Variants in GPATCH2L observed in about 807,000 individuals in gnomAD.
The protein encoded by GPATCH2L is G patch domain-containing protein 2-like.
In GPATCH2L, 31 loss-of-function variants were observed where a neutral mutation model predicts 57.4. The observed-to-expected ratio is 0.54, with a 90% CI of 0.41 to 0.73. The LOEUF (loss-of-function observed/expected upper bound fraction) is 0.73, where lower values mean the gene tolerates loss of function less well. Ranked by LOEUF, GPATCH2L falls within the 30% of genes least tolerant of loss-of-function variation. The pLI, the probability that GPATCH2L is intolerant of heterozygous loss-of-function variation, is 0.00. For synonymous variants in GPATCH2L, 199 were observed against 210.7 expected (o/e 0.94, Z 0.48); for missense variants, 481 against 599.9 (o/e 0.80, Z 2.07).
At chr14:76,176,585 G>C (rs965874468) in intron 5 of GPATCH2L, 38 bp from the exon 6 acceptor site, 2 of 1,375,162 alleles carry the variant, frequency 1.5e-6, no homozygotes, top group Non-Finnish European at 2.1e-6. Flanking sequence ...GTTTGTTTCT[G>C]TGGTTGGATG....
chr14:76,201,666 C>T, intron 9 of GPATCH2L, 25 bp from the exon 10 acceptor site: 1 of 1,536,450 alleles, frequency 6.5e-7, no homozygotes, highest in Non-Finnish European at 8.8e-7. Flanking sequence ...TGATGTTTTG[C>T]TCCTCTCTGT....
chr14:76,230,880 A>G (rs1257167185), intron 2 of GPATCH2L, among the ~76,000 whole-genome samples: 1 of 152,190 alleles, frequency 6.6e-6, no homozygotes, highest in Non-Finnish European at 1.5e-5. Flanking sequence ...ATGGTAAAAG[A>G]CTTTATTTGA....
At chr14:76,190,153 A>G (rs1354723435) in intron 8 of GPATCH2L, among the ~76,000 whole-genome samples, 2 of 151,932 alleles carry the variant, frequency 1.3e-5, no homozygotes, top group Middle Eastern at 3.2e-3. Flanking sequence ...CCCCAAGGAC[A>G]TAGTGATCTG....
chr14:76,187,898 T>C (rs2039829707), intron 8 of GPATCH2L, among the ~76,000 whole-genome samples: 1 of 152,126 alleles, frequency 6.6e-6, no homozygotes. Context: ...GTAACCCTCC[T>C]TCTACTCTTT....
At chr14:76,172,847 T>C (rs761128806) in intron 4 of GPATCH2L, among the ~76,000 whole-genome samples, 2 of 152,200 alleles carry the variant, frequency 1.3e-5, no homozygotes, top group Non-Finnish European at 2.9e-5. Context: ...TTGTTTGTCA[T>C]GGTGAATTTT....
downstream of GPATCH2L, among the ~76,000 whole-genome samples, chr14:76,216,027 A>G (rs1460176434): frequency 6.6e-6 from 1 of 152,102 alleles, no homozygotes; most frequent in Non-Finnish European, 1.5e-5. Flanking sequence ...GATTACCCTG[A>G]GCCTCTGTTG....
Position 76,154,520 on chromosome 14 carries a change from C to G in GPATCH2L, c.157C>G (p.His53Asp). 3 of 1,614,242 alleles carry G rather than the reference C, an allele frequency of 1.9e-6. No homozygotes were observed. In the South Asian group the frequency reaches 3.3e-5, roughly 18 times the overall value. The change falls in exon 2 of 10, where the codon CAC (histidine) becomes GAC (aspartate). Residue 53 changes from histidine (H) to aspartate (D), a missense_variant. His to Asp is a moderately conservative substitution (Grantham distance 81). Transcript: ENST00000261530. This position sits in a 1 kb window ranked among gnomAD's most constrained non-coding sequence, Gnocchi z 4.4. ...RGRKRRSDFTHLAEHTCCYSE... is the reference protein window; with the variant it reads ...RGRKRRSDFTDLAEHTCCYSE... ...TCGGAAGCGTCGTTCTGACTTCACT[C>G]ACCTGGCAGAGCATACCTGCTGCTA...
At chr14:76,223,392 T>A (rs1452991496) in intron 1 of GPATCH2L, among the ~76,000 whole-genome samples, 1 of 152,154 alleles carries the variant, frequency 6.6e-6, no homozygotes, top group Non-Finnish European at 1.5e-5. Context: ...TGCGAAATAA[T>A]GAAGTTGGAT....
In GPATCH2L at chr14:76,155,014, C is replaced by T. The variant is rs2038238440; in HGVS notation, c.651C>T (p.Asn217=). The change falls in exon 2 of 10, where the codon AAC becomes AAT. Residue 217 remains asparagine (N), a synonymous_variant. Transcript: ENST00000261530. ...TDEQKQGSDE[N]MSECETSSVC... ...AACAAAAACAGGGCTCTGATGAGAA[C>T]ATGTCAGAATGGTGAGATCTCCCTT... The T allele has an allele frequency of 6.2e-7, 1 of 1,610,060 alleles. No homozygotes were observed. Among genetic ancestry groups the T allele is most frequent in the East Asian group, 2.2e-5 (1 of 44,862 alleles).
At chr14:76,177,057 T>C (rs1006120667) in intron 6 of GPATCH2L, among the ~76,000 whole-genome samples, 3 of 152,084 alleles carry the variant, frequency 2.0e-5, no homozygotes, top group Non-Finnish European at 4.4e-5. Context: ...GAAATATCTG[T>C]TTTTTTGAGA....
chr14:76,176,813 C>T (rs961425661), intron 6 of GPATCH2L, 123 bp downstream of exon 6: 80 of 678,976 alleles, frequency 1.2e-4, no homozygotes, highest in Middle Eastern at 1.0e-3. Context: ...AAGATTTGTA[C>T]GTTGTAACAG....
chr14:76,190,940 A>G (rs1240320906), intron 8 of GPATCH2L, among the ~76,000 whole-genome samples: 1 of 152,156 alleles, frequency 6.6e-6, no homozygotes, highest in Non-Finnish European at 1.5e-5. Context: ...ACTTTAACTT[A>G]TACTTAGCCT....
At chr14:76,185,642 A>G (rs1003391013) in intron 8 of GPATCH2L, among the ~76,000 whole-genome samples, 8 of 152,214 alleles carry the variant, frequency 5.3e-5, no homozygotes, top group Non-Finnish European at 1.2e-4. Flanking sequence ...AATTTGGTCA[A>G]GCATTACCAT....
chr14:76,220,205 G>T (rs1185096891), intron 1 of GPATCH2L, among the ~76,000 whole-genome samples: 1 of 152,096 alleles, frequency 6.6e-6, no homozygotes, highest in East Asian at 1.9e-4. Flanking sequence ...GTCATTTGAG[G>T]TCATCTTAAA....
intron 6 of GPATCH2L, among the ~76,000 whole-genome samples, chr14:76,177,602 C>T (rs1205835902): frequency 6.6e-6 from 1 of 151,828 alleles, no homozygotes; most frequent in African/African-American, 2.4e-5. Flanking sequence ...TGTCACTGCA[C>T]AGCTGAGAGA....
chr14:76,172,976 A>C (rs7151966), intron 4 of GPATCH2L, among the ~76,000 whole-genome samples: 1 of 152,108 alleles, frequency 6.6e-6, no homozygotes. Flanking sequence ...AATATATACA[A>C]ACAAGCAAGA....
In GPATCH2L at chr14:76,210,809, T is replaced by G. The variant is rs921912064; in HGVS notation, c.*8958T>G. On this transcript the variant is annotated 3_prime_UTR_variant, in exon 10 of 10. Coordinates refer to ENST00000261530, the MANE Select transcript of GPATCH2L (RefSeq NM_017926.4). Reference sequence around the variant, plus strand: ...TTTTGACTGTTAGCAAAAGCTGCCTTAACAGTCTTGGCTTTTAGAAATGCC... The same window carrying G: ...TTTTGACTGTTAGCAAAAGCTGCCTGAACAGTCTTGGCTTTTAGAAATGCC... 4 of 152,218 alleles carry G rather than the reference T, an allele frequency of 2.6e-5. No individual in the cohort carries two copies. The highest frequency in any genetic ancestry group is 9.6e-5 in the African/African-American group (4 of 41,462). The allele number at this position is 152,218 out of a possible 1,614,324, so 9.4% of individuals were successfully genotyped here. A position where few individuals can be genotyped will look rare whatever the true frequency, so the allele number is the denominator to read the frequency against.
At chr14:76,227,118 G>A (rs1566829027) in intron 1 of GPATCH2L, among the ~76,000 whole-genome samples, 2 of 152,126 alleles carry the variant, frequency 1.3e-5, no homozygotes. Flanking sequence ...CAGCCCTCCT[G>A]CAATTTGGGG....
intron 1 of GPATCH2L, among the ~76,000 whole-genome samples, chr14:76,220,274 A>C (rs2040508671): frequency 6.6e-6 from 1 of 152,232 alleles, no homozygotes; most frequent in African/African-American, 2.4e-5. Flanking sequence ...GGCTTTCAAG[A>C]GGCATACTTT....
Sources: allele counts gnomAD v4.1 joint callset (sites outside exome capture counted in the v4.1 genomes callset), GRCh38; gene constraint gnomAD v4.1.1; non-coding constraint Gnocchi (gnomAD v3.1); transcripts MANE v1.5; gene names NCBI Gene and HGNC (gene_info 2026-07-23, HGNC 2026-07-21).